The following ANKRD28 variants were observed in gnomAD, a reference collection of about 807,000 sequenced individuals.
ANKRD28 encodes ankyrin repeat domain 28.
ANKRD28 carries 44 observed loss-of-function variants against 126.5 expected under a neutral mutation model. The ratio of observed to expected loss-of-function variants is 0.35; its 90% CI spans 0.27 to 0.45. ANKRD28 has a LOEUF of 0.45. ANKRD28 is among the 20% of genes least tolerant of loss of function. ANKRD28 has a pLI of 1.00. For missense variants in ANKRD28, 1,110 were observed against 1,316.6 expected (o/e 0.84, Z 2.43); for synonymous variants, 442 against 468.5 (o/e 0.94, Z 0.73).
intron 1 of ANKRD28, among the ~76,000 whole-genome samples, chr3:15,826,358 A>C (rs2061066795): frequency 6.6e-6 from 1 of 152,226 alleles, no homozygotes; most frequent in Non-Finnish European, 1.5e-5. Flanking sequence ...TATAGAAATT[A>C]CAACAAATGT....
At chr3:15,841,224 C>T (rs1401912158) in intron 1 of ANKRD28, among the ~76,000 whole-genome samples, 1 of 152,166 alleles carries the variant, frequency 6.6e-6, no homozygotes, top group Admixed American at 6.5e-5. Flanking sequence ...AAATCCAAGA[C>T]CTCAAACTAT....
At chr3:15,788,035 T>C (rs2059860579) in intron 2 of ANKRD28, among the ~76,000 whole-genome samples, 2 of 152,186 alleles carry the variant, frequency 1.3e-5, no homozygotes, top group African/African-American at 4.8e-5. Flanking sequence ...ATCAGCTCTT[T>C]AGAGTTTAAA....
intron 4 of ANKRD28, among the ~76,000 whole-genome samples, chr3:15,739,654 GA>G (rs2075299070): frequency 6.6e-6 from 1 of 152,142 alleles, no homozygotes; most frequent in Non-Finnish European, 1.5e-5. Context: ...TAATGTACAT[GA>G]AAAGTGTTAG....
intron 2 of ANKRD28, among the ~76,000 whole-genome samples, chr3:15,782,655 C>T (rs890545114): frequency 6.6e-6 from 1 of 152,036 alleles, no homozygotes; most frequent in African/African-American, 2.4e-5. Context: ...AACTTTGGGA[C>T]TTTCATAGTT....
intron 13 of ANKRD28, among the ~76,000 whole-genome samples, chr3:15,708,398 TCCCCTAC>T (rs934246299): frequency 1.2e-4 from 18 of 152,144 alleles, no homozygotes; most frequent in Admixed American, 6.5e-4. Context: ...TAGGAAAGTT[TCCCCTAC>T]ATTAATAAAA....
intron 3 of ANKRD28, among the ~76,000 whole-genome samples, chr3:15,757,599 A>T (rs184469859): frequency 1.6e-4 from 24 of 152,258 alleles, no homozygotes; most frequent in African/African-American, 5.8e-4. Context: ...ATGCCCTTGT[A>T]AAAGTGGCCC....
Position 15,679,741 on chromosome 3 carries a change from T to C in ANKRD28, c.2390-178A>G, listed in dbSNP as rs573266038. On this transcript the variant is annotated intron_variant, in intron 21 of 27. Transcript: ENST00000683139. ...TAAGCCACCAGTAGTTCCTGAAAATTTCTAGGCATATACAACTGCACGCAC... is the reference window on the plus strand; with the variant it reads ...TAAGCCACCAGTAGTTCCTGAAAATCTCTAGGCATATACAACTGCACGCAC... Among the ~76,000 whole-genome samples, 7 of 152,272 alleles carry C rather than the reference T, an allele frequency of 4.6e-5. No homozygotes were observed. The South Asian group carries it at 1.4e-3, about 32-fold the overall frequency.
chr3:15,760,885 T>G (rs2058423450), intron 3 of ANKRD28, among the ~76,000 whole-genome samples: 1 of 152,172 alleles, frequency 6.6e-6, no homozygotes, highest in South Asian at 2.1e-4. Context: ...TCTCCATTGG[T>G]TTTCCACATC....
chr3:15,794,550 C>T (rs1346384277), intron 2 of ANKRD28, among the ~76,000 whole-genome samples: 2 of 150,250 alleles, frequency 1.3e-5, no homozygotes, highest in Non-Finnish European at 3.0e-5. Flanking sequence ...TACTTTCAGC[C>T]ACAACTTAGT....
intron 21 of ANKRD28, among the ~76,000 whole-genome samples, chr3:15,680,086 C>T (rs778600813): frequency 1.3e-5 from 2 of 152,168 alleles, no homozygotes; most frequent in Non-Finnish European, 2.9e-5. Flanking sequence ...CAACAGCAAA[C>T]GAGAAATGAC....
rs1056643754 is a variant in ANKRD28 at position 15,685,352 on chromosome 3, G to C, written c.2263C>G (p.Leu755Val). The change falls in exon 21 of 28, where the codon CTG becomes GTG. Residue 755 changes from leucine (L) to valine (V), a missense_variant. Leu to Val is a conservative substitution (Grantham distance 32). Transcript: ENST00000683139. ...CCAATGTGTCCACAGGCAGCAGACA[G>C]GTGTATAGGCGTCCGGCCCCTGCTA... ...RDSRGRTPIH[L>V]SAACGHIGVL... is the part of the protein sequence containing the mutation. 2 of 1,613,996 alleles carry C rather than the reference G, an allele frequency of 1.2e-6. No homozygotes were observed. The highest frequency in any genetic ancestry group is 1.1e-5 in the South Asian group (1 of 91,078).
intron 6 of ANKRD28, among the ~76,000 whole-genome samples, chr3:15,726,763 C>T (rs1158520104): frequency 1.3e-5 from 2 of 152,218 alleles, no homozygotes; most frequent in African/African-American, 2.4e-5. Flanking sequence ...CAAGGACTTT[C>T]GTTGCTAGAG....
At chr3:15,829,971 A>G (rs1293072617) in intron 1 of ANKRD28, among the ~76,000 whole-genome samples, 1 of 152,022 alleles carries the variant, frequency 6.6e-6, no homozygotes, top group African/African-American at 2.4e-5. Flanking sequence ...CCAGCTAGCA[A>G]CTCAATCACA....
Position 15,686,106 on chromosome 3 carries a change from G to C in ANKRD28, c.2065C>G (p.Leu689Val), listed in dbSNP as rs189748658. ...QDGNGQTPLM[L>V]SVLNGHTDCV... ...TCTGTGTGCCCGTTGAGAACAGATA[G>C]CATCAGAGGCGTCCTGAGCAACAAC... The change falls in exon 20 of 28, where the codon CTA (leucine) becomes GTA (valine). Residue 689 changes from leucine (L) to valine (V), a missense_variant. Transcript: ENST00000683139. The C allele has an allele frequency of 3.7e-6, 6 of 1,613,008 alleles. No individual in the cohort carries two copies. In the East Asian group the frequency reaches 1.3e-4, roughly 36 times the overall value.
chr3:15,679,172 G>T, intron 23 of ANKRD28, 129 bp downstream of exon 23: 2 of 784,236 alleles, frequency 2.6e-6, no homozygotes, highest in Non-Finnish European at 2.1e-6. Flanking sequence ...GTCTTGCTAT[G>T]TTGACCAGGC....
intron 17 of ANKRD28, among the ~76,000 whole-genome samples, chr3:15,690,932 G>A (rs954869133): frequency 2.0e-5 from 3 of 152,072 alleles, no homozygotes; most frequent in African/African-American, 7.2e-5. Context: ...CTAGCAACTT[G>A]AGTCAGTGCT....
intron 4 of ANKRD28, chr3:15,738,734 C>T (rs1352763612): frequency 2.0e-5 from 3 of 152,268 alleles, no homozygotes; most frequent in African/African-American, 7.2e-5. Context: ...GTCAAAACTC[C>T]CGTGCTGATC....
At chr3:15,746,179 A>G (rs779130739) in intron 4 of ANKRD28, among the ~76,000 whole-genome samples, 10 of 152,086 alleles carry the variant, frequency 6.6e-5, no homozygotes, top group Non-Finnish European at 1.3e-4. Context: ...CTTCCTCTTT[A>G]CTGATTTGGA....
chr3:15,676,418 ATT>A (rs1469717134), intron 26 of ANKRD28, among the ~76,000 whole-genome samples: 1 of 152,226 alleles, frequency 6.6e-6, no homozygotes, highest in African/African-American at 2.4e-5. Flanking sequence ...ATCATGACTA[ATT>A]TTTGGACCTT....
Sources: allele counts gnomAD v4.1 joint callset (sites outside exome capture counted in the v4.1 genomes callset), GRCh38; gene constraint gnomAD v4.1.1; transcripts MANE v1.5; gene names NCBI Gene and HGNC (gene_info 2026-07-23, HGNC 2026-07-21).